The following XPR1 variants were observed in gnomAD, a reference collection of about 807,000 sequenced individuals.
The protein encoded by XPR1 is solute carrier family 53 member 1.
Under a neutral mutation model 87.5 loss-of-function variants are expected in XPR1, and 28 were observed. The ratio of observed to expected loss-of-function variants is 0.32; its 90% CI spans 0.24 to 0.44. The LOEUF (loss-of-function observed/expected upper bound fraction) is 0.44, where lower values mean the gene tolerates loss of function less well. Ranked by LOEUF, XPR1 falls within the 20% of genes least tolerant of loss-of-function variation. XPR1 has a pLI of 1.00. For missense variants in XPR1, 559 were observed against 862.3 expected (o/e 0.65, Z 4.41); for synonymous variants, 300 against 306.1 (o/e 0.98, Z 0.21).
intron 2 of XPR1, among the ~76,000 whole-genome samples, chr1:180,686,054 T>G (rs1417200133): frequency 2.0e-5 from 3 of 152,164 alleles, no homozygotes; most frequent in South Asian, 2.1e-4. Flanking sequence ...GCTCTTGCTT[T>G]TCTAGTTCTT....
chr1:180,877,423 C>T (rs1398009794), intron 13 of XPR1, among the ~76,000 whole-genome samples: 1 of 152,108 alleles, frequency 6.6e-6, no homozygotes, highest in Non-Finnish European at 1.5e-5. Flanking sequence ...GGCTACATAA[C>T]AGTGGAAAAA....
intron 2 of XPR1, among the ~76,000 whole-genome samples, chr1:180,772,677 T>C (rs1648561388): frequency 6.6e-6 from 1 of 152,184 alleles, no homozygotes; most frequent in Admixed American, 6.5e-5. Context: ...TCTCATGAGA[T>C]TTGATGGTTT....
chr1:180,766,126 A>G (rs536425207), intron 2 of XPR1, among the ~76,000 whole-genome samples: 41 of 152,084 alleles, frequency 2.7e-4, no homozygotes, highest in African/African-American at 9.9e-4. Flanking sequence ...CAATTTAGTA[A>G]ATTTTGATTC....
intron 11 of XPR1, among the ~76,000 whole-genome samples, chr1:180,853,222 C>G (rs1651923840): frequency 1.3e-5 from 2 of 152,242 alleles, no homozygotes. Context: ...GCCACTGCCA[C>G]TGCGCCTGGC....
chr1:180,834,175 A>G (rs1390443581), intron 9 of XPR1, among the ~76,000 whole-genome samples: 1 of 151,578 alleles, frequency 6.6e-6, no homozygotes, highest in African/African-American at 2.4e-5. Flanking sequence ...TCTGCCTCCC[A>G]GGTTCAAGCA....
At chr1:180,878,638 T>G (rs1167715437) in intron 13 of XPR1, among the ~76,000 whole-genome samples, 1 of 152,204 alleles carries the variant, frequency 6.6e-6, no homozygotes, top group East Asian at 1.9e-4. Context: ...AGCTAGCAAG[T>G]GGTAGAGCCA....
intron 1 of XPR1, among the ~76,000 whole-genome samples, chr1:180,671,725 G>T (rs2101931505): frequency 6.6e-6 from 1 of 152,178 alleles, no homozygotes; most frequent in African/African-American, 2.4e-5. Flanking sequence ...ATGTTGGCCA[G>T]GCTGATCTTG....
At chr1:180,709,534 A>G (rs1012906655) in intron 2 of XPR1, among the ~76,000 whole-genome samples, 9 of 152,112 alleles carry the variant, frequency 5.9e-5, no homozygotes, top group African/African-American at 1.9e-4. Flanking sequence ...CTAAAGTTTT[A>G]TATGTATTTA....
At chr1:180,848,023 GTTAC>G (rs1279249533) in intron 11 of XPR1, among the ~76,000 whole-genome samples, 1 of 152,032 alleles carries the variant, frequency 6.6e-6, no homozygotes, top group African/African-American at 2.4e-5. Context: ...GTAGTCTAAT[GTTAC>G]TTATTAATAT....
intron 3 of XPR1, among the ~76,000 whole-genome samples, chr1:180,792,367 T>C (rs1024795648): frequency 1.3e-5 from 2 of 152,250 alleles, no homozygotes; most frequent in South Asian, 2.1e-4. Flanking sequence ...AATCAAAATA[T>C]AGCATGAATG....
At chr1:180,690,097 A>G (rs1005643350) in intron 2 of XPR1, among the ~76,000 whole-genome samples, 2 of 151,988 alleles carry the variant, frequency 1.3e-5, no homozygotes, top group Non-Finnish European at 2.9e-5. Context: ...TGAAGGTTGC[A>G]GTGAGCTGAG....
intron 3 of XPR1, among the ~76,000 whole-genome samples, chr1:180,796,610 CTCTTTATGGT>C (rs1649581288): frequency 6.6e-6 from 1 of 152,160 alleles, no homozygotes; most frequent in South Asian, 2.1e-4. Flanking sequence ...TGTATGCAAG[CTCTTTATGGT>C]ACAAAGATAA....
At chr1:180,640,995 A>G (rs911820468) in intron 1 of XPR1, among the ~76,000 whole-genome samples, 4 of 152,232 alleles carry the variant, frequency 2.6e-5, no homozygotes, top group African/African-American at 9.6e-5. Flanking sequence ...CTGAGTTAAC[A>G]CAATCACCCT....
intron 2 of XPR1, among the ~76,000 whole-genome samples, chr1:180,775,360 G>C (rs553414506): frequency 1.4e-3 from 209 of 152,166 alleles, no homozygotes; most frequent in African/African-American, 5.0e-3. Context: ...GAGGCAGGGG[G>C]ATCCCTTGAG....
At chr1:180,673,995 A>G (rs1656283036) in intron 1 of XPR1, among the ~76,000 whole-genome samples, 1 of 152,212 alleles carries the variant, frequency 6.6e-6, no homozygotes, top group African/African-American at 2.4e-5. Context: ...TAATGTCACA[A>G]CATTGTGATG....
chr1:180,792,161 G>C (rs967769423), intron 3 of XPR1, among the ~76,000 whole-genome samples: 7 of 152,084 alleles, frequency 4.6e-5, no homozygotes, highest in Admixed American at 3.9e-4. Flanking sequence ...AGACACTAGG[G>C]CACAAGAAAA....
chr1:180,842,240 A>G (rs1004696415), intron 11 of XPR1, among the ~76,000 whole-genome samples: 12 of 152,182 alleles, frequency 7.9e-5, no homozygotes, highest in African/African-American at 2.9e-4. Flanking sequence ...CTAGCCTGCA[A>G]GAGTTACCAT....
At position 180,758,292 on chromosome 1, in the gene XPR1, A is replaced by G. The variant is rs143759253; in HGVS notation, c.122-29461A>G. Among the ~76,000 whole-genome samples the G allele has an allele frequency of 6.9e-3, 1,051 of 152,326 alleles. 14 individuals carry two copies. The highest frequency in any genetic ancestry group is 0.024 in the African/African-American group (1,000 of 41,568). The stretch of plus-strand genomic sequence containing the variant: ...TCATTCATATGTGGGAGCTAAAAAA[A>G]TAGATCTTATGAAAATAAGGAATAG... On this transcript the variant is annotated intron_variant, in intron 2 of 14. Transcript: ENST00000367590.
rs148543598 is a variant in XPR1 at position 180,841,519 on chromosome 1, T to C, written c.1501+4803T>C. ...CTTAACATGCTACGTAAAGGGAATT[T>C]ATGATAAAATGAAATATTTTCTTTG... On this transcript the variant is annotated intron_variant, in intron 11 of 14. Coordinates refer to ENST00000367590, the MANE Select transcript of XPR1 (RefSeq NM_004736.4). Among the ~76,000 whole-genome samples, 442 of 152,286 alleles carry C rather than the reference T, an allele frequency of 2.9e-3. 3 individuals are homozygous for C. Among genetic ancestry groups the C allele is most frequent in the African/African-American group, 9.6e-3 (400 of 41,556 alleles).
Sources: gnomAD v4.1 joint callset for allele counts (sites outside exome capture counted in the v4.1 genomes callset) on GRCh38, gnomAD v4.1.1 for gene constraint, MANE v1.5 for transcripts, NCBI Gene and HGNC (gene_info 2026-07-23, HGNC 2026-07-21) for gene names.